The following HECW1 variants were observed in gnomAD, a reference collection of about 807,000 sequenced individuals.
HECW1 encodes the protein HECT, C2 and WW domain containing E3 ubiquitin protein ligase 1.
Under a neutral mutation model 182.3 loss-of-function variants are expected in HECW1, and 61 were observed. That is an observed-to-expected ratio of 0.33 (90% confidence interval 0.27 to 0.41). HECW1 has a LOEUF of 0.41. Ranked by LOEUF, HECW1 falls within the 10% of genes least tolerant of loss-of-function variation. HECW1 has a pLI of 1.00. For synonymous variants in HECW1, 859 were observed against 832.6 expected (o/e 1.03, Z -0.55); for missense variants, 1,739 against 2,108.9 (o/e 0.82, Z 3.44).
intron 2 of HECW1, among the ~76,000 whole-genome samples, chr7:43,215,411 T>C (rs1796357285): frequency 6.6e-6 from 1 of 152,280 alleles, no homozygotes; most frequent in South Asian, 2.1e-4. Flanking sequence ...CGTAATGCTA[T>C]GGATTCCACT....
chr7:43,407,501 C>A, intron 7 of HECW1, 61 bp from the exon 8 acceptor site: 2 of 1,279,658 alleles, frequency 1.6e-6, no homozygotes, highest in South Asian at 1.4e-5. Context: ...GTGTGGTTAC[C>A]AAATGCCAGT....
intron 5 of HECW1, among the ~76,000 whole-genome samples, chr7:43,333,824 C>T (rs1247175252): frequency 6.6e-6 from 1 of 152,142 alleles, no homozygotes; most frequent in Non-Finnish European, 1.5e-5. Context: ...ATAACAGAGT[C>T]AACTGACCTA....
intron 29 of HECW1, among the ~76,000 whole-genome samples, chr7:43,560,150 C>T (rs1350594618): frequency 3.3e-5 from 5 of 152,206 alleles, no homozygotes; most frequent in African/African-American, 4.8e-5. Flanking sequence ...CACCCCACTT[C>T]GCCTGTTTAG....
chr7:43,277,991 CT>C (rs924080467), intron 3 of HECW1, among the ~76,000 whole-genome samples: 3 of 152,134 alleles, frequency 2.0e-5, no homozygotes, highest in Admixed American at 1.3e-4. Flanking sequence ...TGGGCTGCCC[CT>C]GGGCTCAGAC....
In HECW1 at chr7:43,501,056, G is replaced by T. The variant is rs548529550; in HGVS notation, c.3522-157G>T. 1.2e-4 allele frequency among the ~76,000 whole-genome samples: 18 copies of T among 152,230 alleles called. No homozygotes were observed. In the East Asian group the frequency reaches 2.5e-3, roughly 21 times the overall value. On this transcript the variant is annotated intron_variant, in intron 20 of 29. Coordinates refer to ENST00000395891, the MANE Select transcript of HECW1 (RefSeq NM_015052.5). The stretch of plus-strand genomic sequence containing the variant: ...AAACAACACTGAGAATTTGCAAGCA[G>T]CATGTACCTATCTTTCTGTACTACA...
At chr7:43,351,125 T>C (rs1025725546) in intron 5 of HECW1, among the ~76,000 whole-genome samples, 1 of 152,202 alleles carries the variant, frequency 6.6e-6, no homozygotes, top group African/African-American at 2.4e-5. Flanking sequence ...CTGCAGTGAT[T>C]GTTGTCTTTC....
At chr7:43,197,054 T>G (rs1458933443) in intron 2 of HECW1, among the ~76,000 whole-genome samples, 1 of 152,140 alleles carries the variant, frequency 6.6e-6, no homozygotes, top group Non-Finnish European at 1.5e-5. Flanking sequence ...AATTAAATTC[T>G]TAAAGAAAAG....
At chr7:43,139,801 A>T (rs1380954863) in intron 2 of HECW1, among the ~76,000 whole-genome samples, 1 of 124,754 alleles carries the variant, frequency 8.0e-6, no homozygotes, top group Non-Finnish European at 1.8e-5. Flanking sequence ...TGAGGCTTTC[A>T]TCTTTGGAAA....
At chr7:43,516,788 C>T (rs2080173265) in intron 24 of HECW1, among the ~76,000 whole-genome samples, 1 of 152,208 alleles carries the variant, frequency 6.6e-6, no homozygotes, top group South Asian at 2.1e-4. Context: ...ATGGCAGAGC[C>T]TACCTCACAC....
intron 5 of HECW1, among the ~76,000 whole-genome samples, chr7:43,349,094 G>A (rs998747045): frequency 5.9e-5 from 9 of 152,122 alleles, no homozygotes; most frequent in African/African-American, 2.2e-4. Flanking sequence ...GAATGCAATG[G>A]CGCACTCTCG....
In HECW1 at chr7:43,444,237, G is replaced by A; in HGVS notation, c.1065G>A (p.Leu355=). 6.2e-7 allele frequency: 1 copy of A among 1,606,784 alleles called. No homozygotes were observed. The highest frequency in any genetic ancestry group is 1.1e-5 in the South Asian group (1 of 90,804). ...CAGCAGATGATGAGGAGATTTCCCT[G>A]AGTACCGAGCCTGAGTCAGCCCAAA... ...SIHPDDEEIS[L]STEPESAQIQ... is the part of the protein sequence containing the mutation. Residue 355 remains leucine, a synonymous_variant, in exon 11 of 30, where the codon CTG becomes CTA. Coordinates refer to ENST00000395891, the MANE Select transcript of HECW1 (RefSeq NM_015052.5). This position sits in a 1 kb window ranked among gnomAD's most constrained non-coding sequence, Gnocchi z 4.3.
At chr7:43,265,952 G>C (rs1208809528) in intron 3 of HECW1, among the ~76,000 whole-genome samples, 3 of 152,168 alleles carry the variant, frequency 2.0e-5, no homozygotes, top group East Asian at 1.9e-4. Flanking sequence ...GAAACTTGAG[G>C]GGGGGTGTGG....
chr7:43,368,518 G>A (rs1043347445), intron 6 of HECW1, among the ~76,000 whole-genome samples: 1 of 152,190 alleles, frequency 6.6e-6, no homozygotes, highest in African/African-American at 2.4e-5. Flanking sequence ...CAAGGCATCA[G>A]GTGGACTTGC....
At chr7:43,172,859 T>A (rs907900288) in intron 2 of HECW1, among the ~76,000 whole-genome samples, 1 of 152,046 alleles carries the variant, frequency 6.6e-6, no homozygotes, top group African/African-American at 2.4e-5. Context: ...GCAGGCACAC[T>A]TTTTTACTCA....
At chr7:43,456,523 A>C in intron 13 of HECW1, 76 bp downstream of exon 13, 1 of 1,439,346 alleles carries the variant, frequency 6.9e-7, no homozygotes, top group African/African-American at 1.4e-5. Flanking sequence ...CTCCCCTTAC[A>C]CTTTTCTGCT....
At chr7:43,382,639 GTATC>G (rs1161558851) in intron 6 of HECW1, among the ~76,000 whole-genome samples, 1 of 152,214 alleles carries the variant, frequency 6.6e-6, no homozygotes, top group Middle Eastern at 3.2e-3. Context: ...CCCTAGAATA[GTATC>G]TGTAAGATGA....
intron 15 of HECW1, among the ~76,000 whole-genome samples, chr7:43,467,041 T>G (rs1026852369): frequency 6.6e-6 from 1 of 152,256 alleles, no homozygotes; most frequent in Non-Finnish European, 1.5e-5. Flanking sequence ...GTTTTTTCAT[T>G]GCTTTTTTGG....
In HECW1 at chr7:43,314,920, A is replaced by C. The variant is rs377563824; in HGVS notation, c.352+2833A>C. Among the ~76,000 whole-genome samples, 15 of 152,328 alleles carry C rather than the reference A, an allele frequency of 9.8e-5. No homozygotes were observed. In the East Asian group the frequency reaches 1.4e-3, roughly 14 times the overall value. ...TCATTTCATGAATGAGGAGATGTCG[A>C]ATCAGTGGCTCCCACAGTCACACAG... On this transcript the variant is annotated intron_variant, in intron 4 of 29. Transcript: ENST00000395891.
rs890625434 is a variant in HECW1 at position 43,563,395 on chromosome 7, A to G, written c.*1469A>G. 3.0e-5 allele frequency: 6 copies of G among 201,408 alleles called. No individual in the cohort carries two copies. The highest frequency in any genetic ancestry group is 1.2e-4 in the African/African-American group (5 of 43,472). The allele number at this position is 201,408 out of a possible 1,614,324, so 12.5% of individuals were successfully genotyped here. On this transcript the variant is annotated 3_prime_UTR_variant, in exon 30 of 30. Coordinates refer to ENST00000395891, the MANE Select transcript of HECW1 (RefSeq NM_015052.5). ...TGTTGCCTGAAATAGGTCATAAATG[A>G]AAGTGTTTTTCTTCACTGGGAAAAA...
Sources: gnomAD v4.1 joint callset for allele counts (sites outside exome capture counted in the v4.1 genomes callset) on GRCh38, gnomAD v4.1.1 for gene constraint, Gnocchi (gnomAD v3.1) non-coding constraint, MANE v1.5 for transcripts, NCBI Gene and HGNC (gene_info 2026-07-23, HGNC 2026-07-21) for gene names.